The following ROR2 variants were observed in gnomAD, a reference collection of about 807,000 sequenced individuals.
ROR2 encodes ROR family WNT receptor 2.
Under a neutral mutation model 74.9 loss-of-function variants are expected in ROR2, and 33 were observed. The ratio of observed to expected loss-of-function variants is 0.44; its 90% confidence interval spans 0.33 to 0.59. ROR2 has a LOEUF of 0.59. Ranked by LOEUF, ROR2 falls within the 20% of genes least tolerant of loss-of-function variation. The probability of loss-of-function intolerance (pLI) is 0.02; values close to 1 mark genes in which losing one functional copy is unlikely to be tolerated. For synonymous variants in ROR2, 586 were observed against 558.7 expected (o/e 1.05, Z -0.69); for missense variants, 1,216 against 1,313.8 (o/e 0.93, Z 1.15).
chr9:91,818,490 G>A (rs1828020607), intron 1 of ROR2, among the ~76,000 whole-genome samples: 1 of 39,694 alleles, frequency 2.5e-5, no homozygotes, highest in African/African-American at 1.1e-4. Context: ...CTCTCCAAAA[G>A]GGCCCCTCAT....
At chr9:91,861,053 A>G (rs1398194874) in intron 1 of ROR2, among the ~76,000 whole-genome samples, 1 of 152,242 alleles carries the variant, frequency 6.6e-6, no homozygotes, top group African/African-American at 2.4e-5. Flanking sequence ...AATCCTCCCA[A>G]AAAAGTACAA....
chr9:91,729,553 A>G (rs1423459084), intron 7 of ROR2, among the ~76,000 whole-genome samples: 1 of 152,196 alleles, frequency 6.6e-6, no homozygotes, highest in East Asian at 1.9e-4. Context: ...CGGAGTAGAG[A>G]CACGCGGGCC....
chr9:91,942,463 C>T (rs1488455322), intron 1 of ROR2, among the ~76,000 whole-genome samples: 4 of 152,158 alleles, frequency 2.6e-5, no homozygotes, highest in Admixed American at 6.5e-5. Context: ...TCATTCATGA[C>T]GCCTGCCCAA....
At chr9:91,855,707 C>T (rs1475738451) in intron 1 of ROR2, among the ~76,000 whole-genome samples, 1 of 152,044 alleles carries the variant, frequency 6.6e-6, no homozygotes, top group Non-Finnish European at 1.5e-5. Context: ...GACATGGTGG[C>T]ATGGATGAGG....
At chr9:91,816,242 T>C (rs1292666748) in intron 1 of ROR2, among the ~76,000 whole-genome samples, 3 of 152,106 alleles carry the variant, frequency 2.0e-5, no homozygotes, top group Non-Finnish European at 4.4e-5. Context: ...CTCCATGCTC[T>C]ACCACATTAC....
At chr9:91,894,274 T>C (rs1830487356) in intron 1 of ROR2, among the ~76,000 whole-genome samples, 1 of 152,214 alleles carries the variant, frequency 6.6e-6, no homozygotes. Flanking sequence ...CTTGGGTCCC[T>C]TGTTCCCCAC....
At chr9:91,834,050 T>A (rs1408847257) in intron 1 of ROR2, among the ~76,000 whole-genome samples, 1 of 152,188 alleles carries the variant, frequency 6.6e-6, no homozygotes, top group East Asian at 1.9e-4. Flanking sequence ...GTAAAGCTCA[T>A]TCCGGCTTTT....
chr9:91,937,742 A>T (rs1244024589), intron 1 of ROR2, among the ~76,000 whole-genome samples: 3 of 152,140 alleles, frequency 2.0e-5, no homozygotes, highest in Admixed American at 6.5e-5. Flanking sequence ...TTTGAGACTG[A>T]GTTTTGCTCT....
intron 1 of ROR2, among the ~76,000 whole-genome samples, chr9:91,887,734 C>T (rs1193936157): frequency 2.6e-5 from 4 of 150,992 alleles, no homozygotes; most frequent in African/African-American, 7.3e-5. Flanking sequence ...TATAACGGGG[C>T]GTACAAATTC....
At chr9:91,859,100 A>G (rs893880739) in intron 1 of ROR2, among the ~76,000 whole-genome samples, 15 of 152,122 alleles carry the variant, frequency 9.9e-5, no homozygotes, top group African/African-American at 3.6e-4. Context: ...TGGTCAGTCC[A>G]TAAGTTTGGT....
chr9:91,826,532 A>G (rs1828295506), intron 1 of ROR2, among the ~76,000 whole-genome samples: 1 of 152,190 alleles, frequency 6.6e-6, no homozygotes, highest in Non-Finnish European at 1.5e-5. Flanking sequence ...CCGTAATCCC[A>G]CCACTTTGGG....
At chr9:91,811,223 T>C (rs989934494) in intron 1 of ROR2, among the ~76,000 whole-genome samples, 2 of 152,168 alleles carry the variant, frequency 1.3e-5, no homozygotes, top group East Asian at 1.9e-4. Flanking sequence ...CTCCGTGCAG[T>C]AGTGACAGGC....
chr9:91,939,789 T>G (rs1212769656), intron 1 of ROR2, among the ~76,000 whole-genome samples: 2 of 152,232 alleles, frequency 1.3e-5, no homozygotes, highest in Non-Finnish European at 2.9e-5. Context: ...TTTGTTTTCA[T>G]AAAGCCAGTG....
chr9:91,731,645 G>A (rs1786906362), intron 6 of ROR2, among the ~76,000 whole-genome samples: 1 of 152,218 alleles, frequency 6.6e-6, no homozygotes, highest in Non-Finnish European at 1.5e-5. Context: ...GTGGGGCGCT[G>A]CTCTAAACCC....
intron 1 of ROR2, among the ~76,000 whole-genome samples, chr9:91,914,677 C>A (rs1026541626): frequency 6.6e-6 from 1 of 152,212 alleles, no homozygotes; most frequent in African/African-American, 2.4e-5. Flanking sequence ...GCCCCCCTTA[C>A]ATCTCATTGG....
chr9:91,903,890 T>C (rs1198805421), intron 1 of ROR2, among the ~76,000 whole-genome samples: 1 of 152,194 alleles, frequency 6.6e-6, no homozygotes. Context: ...ACAATATCCA[T>C]TTAATTTCCA....
At chr9:91,845,183 G>A (rs867659019) in intron 1 of ROR2, among the ~76,000 whole-genome samples, 5 of 151,972 alleles carry the variant, frequency 3.3e-5, no homozygotes, top group African/African-American at 1.2e-4. Context: ...GCCTCTGCAC[G>A]CACCCCTCCC....
At chr9:91,904,876 C>T (rs1369594038) in intron 1 of ROR2, among the ~76,000 whole-genome samples, 2 of 151,996 alleles carry the variant, frequency 1.3e-5, no homozygotes, top group Non-Finnish European at 2.9e-5. Flanking sequence ...CTACCTGGGA[C>T]GGCTCCAAGG....
chr9:91,799,913 G>A (rs1192444716), intron 1 of ROR2, among the ~76,000 whole-genome samples: 1 of 152,248 alleles, frequency 6.6e-6, no homozygotes, highest in African/African-American at 2.4e-5. Flanking sequence ...TGCGTGGCCA[G>A]GGTCCACCAA....
Sources: gnomAD v4.1 joint callset for allele counts (sites outside exome capture counted in the v4.1 genomes callset) on GRCh38, gnomAD v4.1.1 for gene constraint, MANE v1.5 for transcripts, NCBI Gene and HGNC (gene_info 2026-07-23, HGNC 2026-07-21) for gene names.